The following MALRD1 variants were observed in gnomAD, a reference collection of about 807,000 sequenced individuals.
The protein encoded by MALRD1 is MAM and LDL-receptor class A domain-containing protein 1.
Under a neutral mutation model 242.1 loss-of-function variants are expected in MALRD1, and 247 were observed. The observed-to-expected ratio is 1.02, with a 90% confidence interval of 0.92 to 1.13. The LOEUF (loss-of-function observed/expected upper bound fraction) is 1.13. Ranked by LOEUF, MALRD1 falls within the 50% of genes most tolerant of loss-of-function variation. The pLI is 0.00. For synonymous variants in MALRD1, 995 were observed against 866.6 expected, an observed-to-expected ratio of 1.15 and a Z score of -2.60; for missense variants, 2,989 against 2,533.1, an observed-to-expected ratio of 1.18 and a Z score of -3.86.
intron 2 of MALRD1, among the ~76,000 whole-genome samples, chr10:19,078,168 T>C (rs536261179): frequency 1.3e-5 from 2 of 152,042 alleles, no homozygotes; most frequent in South Asian, 4.1e-4. Context: ...TTTTTTATTA[T>C]ACTTTAAGTT....
intron 28 of MALRD1, among the ~76,000 whole-genome samples, chr10:19,431,548 A>G (rs1212049757): frequency 2.6e-5 from 4 of 152,186 alleles, no homozygotes; most frequent in African/African-American, 7.2e-5. Context: ...ATTGGTTTTC[A>G]GAAAATTTCA....
chr10:19,201,442 T>A (rs1242605230), intron 14 of MALRD1, among the ~76,000 whole-genome samples: 1 of 152,200 alleles, frequency 6.6e-6, no homozygotes, highest in Admixed American at 6.5e-5. Flanking sequence ...TAGCAATATC[T>A]CCCTGGATAG....
chr10:19,733,618 C>T (rs1022994429), intron 39 of MALRD1, among the ~76,000 whole-genome samples: 9 of 151,038 alleles, frequency 6.0e-5, no homozygotes, highest in African/African-American at 2.2e-4. Flanking sequence ...CTTTTCATCT[C>T]TAGGTTCCAT....
chr10:19,539,566 G>T (rs1834840127), intron 32 of MALRD1, among the ~76,000 whole-genome samples: 1 of 152,134 alleles, frequency 6.6e-6, no homozygotes, highest in Non-Finnish European at 1.5e-5. Context: ...TAAATAGTTA[G>T]ATGTGTCCCC....
intron 28 of MALRD1, among the ~76,000 whole-genome samples, chr10:19,389,845 T>C (rs900711128): frequency 6.6e-6 from 1 of 152,174 alleles, no homozygotes; most frequent in African/African-American, 2.4e-5. Flanking sequence ...ATATTTTTTG[T>C]AGAGATTTTA....
At position 19,358,195 on chromosome 10, in the gene MALRD1, A is replaced by AGTGTGTGTGTGTGTGTGTGTGT. The variant is rs776862926; in HGVS notation, c.4441+5913_4441+5934dup. On this transcript the variant is annotated intron_variant, in intron 26 of 39. Coordinates refer to ENST00000454679, the MANE Select transcript of MALRD1 (RefSeq NM_001142308.3). Reference sequence around the variant, plus strand: ...ATATATGCAATCAGGGCAGGAGTCAAGTGTGTGTGTGTGTGTGTGTGTGTG... The same window carrying AGTGTGTGTGTGTGTGTGTGTGT: ...ATATATGCAATCAGGGCAGGAGTCAAGTGTGTGTGTGTGTGTGTGTGTGTGTGTGTGTGTGTGTGTGTGTGTG... Among the ~76,000 whole-genome samples the AGTGTGTGTGTGTGTGTGTGTGT allele has an allele frequency of 2.5e-3, 363 of 145,668 alleles. 7 individuals are homozygous for AGTGTGTGTGTGTGTGTGTGTGT. The highest frequency in any genetic ancestry group is 7.4e-3 in the African/African-American group (283 of 38,488).
At chr10:19,376,599 A>G (rs1366750585) in intron 26 of MALRD1, among the ~76,000 whole-genome samples, 2 of 119,832 alleles carry the variant, frequency 1.7e-5, no homozygotes, top group African/African-American at 6.7e-5. Context: ...CCTATTGCCC[A>G]GGCTGGAGTG....
chr10:19,088,438 A>G (rs1835752516), intron 4 of MALRD1, among the ~76,000 whole-genome samples: 2 of 151,586 alleles, frequency 1.3e-5, no homozygotes, highest in Non-Finnish European at 2.9e-5. Context: ...GCATACTAAT[A>G]TATCAGTAAA....
intron 36 of MALRD1, among the ~76,000 whole-genome samples, chr10:19,681,770 G>A (rs948180838): frequency 3.3e-5 from 5 of 151,512 alleles, no homozygotes; most frequent in Non-Finnish European, 5.9e-5. Flanking sequence ...GCATTTTTTC[G>A]TTGATTCTTT....
chr10:19,211,684 C>CAAAAAAAAAAAA, intron 18 of MALRD1, among the ~76,000 whole-genome samples: 1 of 67,324 alleles, frequency 1.5e-5, no homozygotes, highest in Non-Finnish European at 2.5e-5. Flanking sequence ...TGACTCCTCA[C>CAAAAAAAAAAAA]AAAAAAAAAA....
chr10:19,259,253 G>A (rs1839645663), intron 19 of MALRD1, among the ~76,000 whole-genome samples: 2 of 152,092 alleles, frequency 1.3e-5, no homozygotes, highest in Non-Finnish European at 2.9e-5. Context: ...CCTTTCACCA[G>A]TGTATATCTC....
chr10:19,545,687 T>G (rs1835179325), intron 32 of MALRD1, among the ~76,000 whole-genome samples: 1 of 152,138 alleles, frequency 6.6e-6, no homozygotes, highest in African/African-American at 2.4e-5. Flanking sequence ...TTCGTCACCT[T>G]AGGGAGATTT....
intron 33 of MALRD1, among the ~76,000 whole-genome samples, chr10:19,587,120 A>G (rs1837468727): frequency 6.6e-6 from 1 of 152,174 alleles, no homozygotes; most frequent in Admixed American, 6.5e-5. Flanking sequence ...ACCTGCGTCC[A>G]CTGTCTGGCA....
intron 31 of MALRD1, among the ~76,000 whole-genome samples, chr10:19,530,406 T>TAAATATATAA (rs375588999): frequency 0.39 from 15,138 of 38,908 alleles, 3,374 homozygotes; most frequent in East Asian, 0.53. Context: ...AAATATTATA[T>TAAATATATAA]ATTTATATAA....
At chr10:19,567,031 A>G (rs906826476) in intron 32 of MALRD1, among the ~76,000 whole-genome samples, 4 of 152,286 alleles carry the variant, frequency 2.6e-5, no homozygotes, top group Admixed American at 6.5e-5. Context: ...TCATCCAGGA[A>G]GATTTTCTGT....
At chr10:19,381,250 T>G (rs1427491663) in intron 26 of MALRD1, among the ~76,000 whole-genome samples, 2 of 151,464 alleles carry the variant, frequency 1.3e-5, no homozygotes, top group Non-Finnish European at 2.9e-5. Flanking sequence ...CATCAATTTT[T>G]ATGGCTGCAT....
intron 20 of MALRD1, 50 bp downstream of exon 20, chr10:19,280,273 G>T (rs1334135590): frequency 7.3e-7 from 1 of 1,364,150 alleles, no homozygotes; most frequent in Admixed American, 3.2e-5. Flanking sequence ...AATAGAAAAT[G>T]CAAGTGTAAT....
At chr10:19,288,804 T>A (rs1302420403) in intron 21 of MALRD1, among the ~76,000 whole-genome samples, 1 of 152,068 alleles carries the variant, frequency 6.6e-6, no homozygotes, top group East Asian at 1.9e-4. Context: ...TCTCCACAGT[T>A]AAAACTTCAC....
At chr10:19,346,381 A>G (rs1386078238) in intron 24 of MALRD1, among the ~76,000 whole-genome samples, 2 of 152,144 alleles carry the variant, frequency 1.3e-5, no homozygotes, top group East Asian at 1.9e-4. Flanking sequence ...TTTTGATGAC[A>G]GAATCATTTT....
Sources: gnomAD v4.1 joint callset for allele counts (sites outside exome capture counted in the v4.1 genomes callset) on GRCh38, gnomAD v4.1.1 for gene constraint, MANE v1.5 for transcripts, NCBI Gene and HGNC (gene_info 2026-07-23, HGNC 2026-07-21) for gene names.